Variants in CNTNAP3B observed in about 807,000 individuals in gnomAD.
The protein encoded by CNTNAP3B is contactin-associated protein-like 3B.
In CNTNAP3B, 25 loss-of-function variants were observed where a neutral mutation model predicts 108.9. The observed-to-expected ratio is 0.23, with a 90% CI of 0.17 to 0.32. CNTNAP3B has a LOEUF of 0.32. Ranked by LOEUF, CNTNAP3B falls within the 10% of genes least tolerant of loss-of-function variation. The pLI is 1.00. For synonymous variants in CNTNAP3B, 103 were observed against 473.4 expected (o/e 0.22, Z 10.16); for missense variants, 252 against 1,210.4 (o/e 0.21, Z 11.75).
intron 18 of CNTNAP3B, among the ~76,000 whole-genome samples, chr9:41,916,685 C>T (rs1358213266): frequency 1.5e-3 from 195 of 132,478 alleles, no homozygotes; most frequent in South Asian, 2.8e-3. Context: ...ATATCCATCA[C>T]CTTAAACATT....
At chr9:41,913,717 G>T (rs1823458857) in intron 18 of CNTNAP3B, among the ~76,000 whole-genome samples, 1 of 132,970 alleles carries the variant, frequency 7.5e-6, no homozygotes, top group Non-Finnish European at 1.6e-5. Flanking sequence ...AATCTACTTT[G>T]TCTCTACAAA....
chr9:42,114,336 A>T, intron 1 of CNTNAP3B, among the ~76,000 whole-genome samples: 1 of 137,126 alleles, frequency 7.3e-6, no homozygotes, highest in East Asian at 2.2e-4. Context: ...CTCTAATATG[A>T]TTAGTAAGAT....
At chr9:42,042,635 G>A (rs1295764369) in intron 3 of CNTNAP3B, among the ~76,000 whole-genome samples, 2 of 112,518 alleles carry the variant, frequency 1.8e-5, no homozygotes, top group East Asian at 2.7e-4. Flanking sequence ...GTATACAGGA[G>A]GCTGTACAAA....
intron 3 of CNTNAP3B, among the ~76,000 whole-genome samples, chr9:42,034,295 C>T (rs957322961): frequency 8.7e-6 from 1 of 115,164 alleles, no homozygotes; most frequent in Non-Finnish European, 1.8e-5. Context: ...CTCCTGAATG[C>T]CTTCGGCACC....
At chr9:41,953,064 G>A (rs1421305804) in intron 13 of CNTNAP3B, 119 bp downstream of exon 13, 54 of 1,207,430 alleles carry the variant, frequency 4.5e-5, no homozygotes, top group African/African-American at 1.1e-4. Flanking sequence ...GAGCGGTCAG[G>A]GCTTTGAACT....
At chr9:41,940,368 C>T (rs1461862311) in intron 13 of CNTNAP3B, among the ~76,000 whole-genome samples, 3 of 152,260 alleles carry the variant, frequency 2.0e-5, no homozygotes, top group Non-Finnish European at 2.9e-5. Flanking sequence ...ACATTACCTG[C>T]CTGTAAAAGA....
intron 3 of CNTNAP3B, among the ~76,000 whole-genome samples, chr9:42,063,204 C>A (rs1287178120): frequency 7.7e-6 from 1 of 129,952 alleles, no homozygotes; most frequent in African/African-American, 3.1e-5. Context: ...CTTCCTTTAG[C>A]ATTTCTTGTA....
At chr9:41,995,907 G>T (rs1192608668) in intron 7 of CNTNAP3B, among the ~76,000 whole-genome samples, 1 of 143,894 alleles carries the variant, frequency 6.9e-6, no homozygotes, top group African/African-American at 2.7e-5. Context: ...ATGGTGGCGG[G>T]CGCCTGTAAT....
Position 42,124,201 on chromosome 9 carries a change from T to C in CNTNAP3B, c.85+4809A>G, listed in dbSNP as rs1163119603. Among the ~76,000 whole-genome samples, 2 of 135,112 alleles carry C rather than the reference T, an allele frequency of 1.5e-5. 1 individual carries two copies. The highest frequency in any genetic ancestry group is 6.0e-5 in the African/African-American group (2 of 33,576). 88.6% of individuals were successfully genotyped at this position (135,112 alleles called of 152,430 possible). On this transcript the variant is annotated intron_variant, in intron 1 of 23. Coordinates refer to ENST00000377561, the MANE Select transcript of CNTNAP3B (RefSeq NM_001201380.3). The stretch of plus-strand genomic sequence containing the variant: ...AGATTTCAATCACTCTTCGTATTAT[T>C]ACAACAAAAATGTTCATTAACTGGA...
intron 3 of CNTNAP3B, among the ~76,000 whole-genome samples, chr9:42,056,754 G>A (rs1240104913): frequency 1.6e-5 from 2 of 125,392 alleles, no homozygotes; most frequent in East Asian, 4.7e-4. Context: ...ATGTGTAAGA[G>A]CACTTTACAA....
At chr9:42,047,685 T>TTCCC (rs1564182899) in intron 3 of CNTNAP3B, among the ~76,000 whole-genome samples, 1 of 39,926 alleles carries the variant, frequency 2.5e-5, no homozygotes. Context: ...CCTCCCTTCC[T>TTCCC]TCCTTCCTTC....
At chr9:41,994,919 AAAG>A in intron 7 of CNTNAP3B, 1 of 116,916 alleles carries the variant, frequency 8.6e-6, no homozygotes, top group South Asian at 4.4e-5. Flanking sequence ...TTAAACATTG[AAAG>A]AAGTTTATTA....
intron 13 of CNTNAP3B, among the ~76,000 whole-genome samples, chr9:41,950,742 G>A (rs1824650436): frequency 7.1e-6 from 1 of 141,460 alleles, no homozygotes. Flanking sequence ...GCAATAGGAG[G>A]AATTCTTTTT....
chr9:42,098,987 T>C (rs1295226670), intron 2 of CNTNAP3B, among the ~76,000 whole-genome samples: 2 of 137,184 alleles, frequency 1.5e-5, no homozygotes, highest in South Asian at 4.7e-4. Context: ...GAGTCGTGGC[T>C]AGGTTGTGTG....
intron 2 of CNTNAP3B, among the ~76,000 whole-genome samples, chr9:42,085,997 A>G (rs1827695925): frequency 7.1e-6 from 1 of 141,126 alleles, no homozygotes; most frequent in Admixed American, 7.0e-5. Flanking sequence ...TGTCTACTGT[A>G]TTAGTCCATC....
intron 14 of CNTNAP3B, among the ~76,000 whole-genome samples, chr9:41,932,298 C>T (rs1244317307): frequency 1.3e-5 from 2 of 152,080 alleles, no homozygotes; most frequent in Admixed American, 6.5e-5. Flanking sequence ...CTTTCAAAGA[C>T]TTTTTGCTTT....
chr9:41,947,315 A>C (rs1824556636), intron 13 of CNTNAP3B, among the ~76,000 whole-genome samples: 1 of 152,258 alleles, frequency 6.6e-6, no homozygotes, highest in Non-Finnish European at 1.5e-5. Context: ...CACAAAGTAT[A>C]TTCTCTAAGC....
chr9:42,128,222 C>T lies in CNTNAP3B; in HGVS notation c.85+788G>A, dbSNP rs1316414428. 2.1e-5 allele frequency among the ~76,000 whole-genome samples: 3 copies of T among 139,736 alleles called. 1 individual carries two copies. The highest frequency in any genetic ancestry group is 4.6e-5 in the Non-Finnish European group (3 of 65,110). The allele number at this position is 139,736 out of a possible 152,430, so 91.7% of individuals were successfully genotyped here. A position where few individuals can be genotyped will look rare whatever the true frequency, so the allele number is the denominator to read the frequency against. On this transcript the variant is annotated intron_variant, in intron 1 of 23. Transcript: ENST00000377561. ...TAAAATATGGGTACATTATGTTTTGCTCATCTGTCTGGAATATCATCATTA... is the reference window on the plus strand; with the variant it reads ...TAAAATATGGGTACATTATGTTTTGTTCATCTGTCTGGAATATCATCATTA...
At chr9:41,936,272 G>C (rs907686106) in intron 14 of CNTNAP3B, among the ~76,000 whole-genome samples, 2 of 151,232 alleles carry the variant, frequency 1.3e-5, no homozygotes. Flanking sequence ...GAGAGACTCT[G>C]TCTCAAAACA....
Sources: allele counts gnomAD v4.1 joint callset (sites outside exome capture counted in the v4.1 genomes callset), GRCh38; gene constraint gnomAD v4.1.1; transcripts MANE v1.5; gene names NCBI Gene and HGNC (gene_info 2026-07-23, HGNC 2026-07-21).